KCND2: variants seen among roughly 807,000 people sequenced by gnomAD.
KCND2 encodes the protein A-type voltage-gated potassium channel KCND2.
KCND2 carries 16 observed loss-of-function variants against 54.4 expected under a neutral mutation model. The observed-to-expected ratio is 0.29, with a 90% CI of 0.20 to 0.45. The LOEUF is 0.45. KCND2 is among the 20% of genes least tolerant of loss of function. The pLI is 1.00. For synonymous variants in KCND2, 317 were observed against 310.7 expected (o/e 1.02, Z -0.21); for missense variants, 486 against 824.2 (o/e 0.59, Z 5.02).
At chr7:120,478,022 T>C (rs1802554596) in intron 1 of KCND2, among the ~76,000 whole-genome samples, 2 of 152,176 alleles carry the variant, frequency 1.3e-5, no homozygotes, top group Non-Finnish European at 2.9e-5. Context: ...ATGCTAACAA[T>C]GTAATAAAGA....
intron 1 of KCND2, among the ~76,000 whole-genome samples, chr7:120,630,702 T>C (rs77085402): frequency 0.034 from 5,237 of 152,276 alleles, 210 homozygotes; most frequent in African/African-American, 0.1. Context: ...GACAGAATTG[T>C]GATATCTCGC....
chr7:120,483,832 T>G (rs1024739777), intron 1 of KCND2, among the ~76,000 whole-genome samples: 1 of 152,154 alleles, frequency 6.6e-6, no homozygotes, highest in Non-Finnish European at 1.5e-5. Flanking sequence ...GAATTAGACA[T>G]GTCGAGTGTA....
intron 1 of KCND2, among the ~76,000 whole-genome samples, chr7:120,354,175 G>T (rs886617108): frequency 6.6e-6 from 1 of 152,024 alleles, no homozygotes. Flanking sequence ...GTCAACTATG[G>T]TTATTCAGAT....
At chr7:120,345,517 C>T (rs1380771767) in intron 1 of KCND2, among the ~76,000 whole-genome samples, 1 of 152,144 alleles carries the variant, frequency 6.6e-6, no homozygotes, top group African/African-American at 2.4e-5. Flanking sequence ...AACCGAAACT[C>T]TGTACCTATT....
At chr7:120,632,341 C>A (rs781536349) in intron 1 of KCND2, among the ~76,000 whole-genome samples, 3 of 152,082 alleles carry the variant, frequency 2.0e-5, no homozygotes. Flanking sequence ...CTTGTAAACA[C>A]CTTGCATCTG....
chr7:120,627,326 A>G (rs1793176142), intron 1 of KCND2, among the ~76,000 whole-genome samples: 1 of 152,194 alleles, frequency 6.6e-6, no homozygotes, highest in African/African-American at 2.4e-5. Flanking sequence ...GAGAATAAAC[A>G]TATGAGAAAT....
chr7:120,613,431 T>C (rs1792981653), intron 1 of KCND2, among the ~76,000 whole-genome samples: 1 of 152,076 alleles, frequency 6.6e-6, no homozygotes, highest in Non-Finnish European at 1.5e-5. Context: ...CTTGGGAGGC[T>C]GAGGTAGGAG....
chr7:120,290,520 C>A (rs1368564239), intron 1 of KCND2, among the ~76,000 whole-genome samples: 1 of 151,844 alleles, frequency 6.6e-6, no homozygotes, highest in African/African-American at 2.4e-5. Context: ...ACATATCTGT[C>A]CCAGACCATT....
At chr7:120,450,899 G>A (rs1296517061) in intron 1 of KCND2, among the ~76,000 whole-genome samples, 1 of 152,130 alleles carries the variant, frequency 6.6e-6, no homozygotes, top group South Asian at 2.1e-4. Context: ...ATTACTTATT[G>A]ATGATATTAA....
intron 1 of KCND2, among the ~76,000 whole-genome samples, chr7:120,693,388 C>T (rs987679902): frequency 1.3e-5 from 2 of 152,074 alleles, no homozygotes; most frequent in Non-Finnish European, 2.9e-5. Context: ...AGGTGGTGAG[C>T]TGATGAGGAC....
At chr7:120,309,709 T>C (rs1261272614) in intron 1 of KCND2, among the ~76,000 whole-genome samples, 2 of 151,930 alleles carry the variant, frequency 1.3e-5, no homozygotes, top group Admixed American at 6.6e-5. Context: ...TCAGATATCT[T>C]ATGTTATGGA....
intron 1 of KCND2, among the ~76,000 whole-genome samples, chr7:120,426,813 G>A (rs1021987376): frequency 2.6e-5 from 4 of 151,922 alleles, no homozygotes; most frequent in South Asian, 4.1e-4. Flanking sequence ...AGTAGAGACG[G>A]GGTTCACTGT....
chr7:120,308,878 C>T (rs577196852), intron 1 of KCND2, among the ~76,000 whole-genome samples: 9 of 152,258 alleles, frequency 5.9e-5, no homozygotes, highest in African/African-American at 1.9e-4. Context: ...CACATCTCTA[C>T]CCCCTTTCTG....
At chr7:120,564,604 T>C (rs1792274819) in intron 1 of KCND2, among the ~76,000 whole-genome samples, 5 of 152,132 alleles carry the variant, frequency 3.3e-5, no homozygotes, top group Admixed American at 3.3e-4. Flanking sequence ...GTTGTATTCA[T>C]TTTACCAAAA....
At chr7:120,434,714 C>T (rs1340238364) in intron 1 of KCND2, among the ~76,000 whole-genome samples, 2 of 152,130 alleles carry the variant, frequency 1.3e-5, no homozygotes, top group African/African-American at 4.8e-5. Context: ...ACAGTGGCCT[C>T]TTGTGGGGAC....
intron 1 of KCND2, among the ~76,000 whole-genome samples, chr7:120,420,288 T>G (rs1194261418): frequency 2.0e-5 from 3 of 152,140 alleles, no homozygotes; most frequent in Non-Finnish European, 4.4e-5. Context: ...ACTCAGAGAT[T>G]AAAAATTACA....
At chr7:120,380,090 G>T (rs1368267054) in intron 1 of KCND2, among the ~76,000 whole-genome samples, 1 of 151,852 alleles carries the variant, frequency 6.6e-6, no homozygotes, top group Non-Finnish European at 1.5e-5. Flanking sequence ...AATTTATAAG[G>T]AAATAAAGTT....
Position 120,729,957 on chromosome 7 carries a change from C to T in KCND2, c.1116-2946C>T, listed in dbSNP as rs1025536786. ...TAAACTGGTGTATCTCCTTACTTTTCGTAATTTTCTCTAATAATTGCAAGT... is the reference window on the plus strand; with the variant it reads ...TAAACTGGTGTATCTCCTTACTTTTTGTAATTTTCTCTAATAATTGCAAGT... On this transcript the variant is annotated intron_variant, in intron 1 of 5. Transcript: ENST00000331113. Among the ~76,000 whole-genome samples the T allele has an allele frequency of 1.3e-3, 200 of 152,182 alleles. 2 individuals are homozygous for T. Among genetic ancestry groups the T allele is most frequent in the Non-Finnish European group, 2.8e-4 (19 of 68,010 alleles).
intron 1 of KCND2, among the ~76,000 whole-genome samples, chr7:120,552,955 C>T (rs1028002479): frequency 6.6e-5 from 10 of 152,108 alleles, no homozygotes; most frequent in East Asian, 5.8e-4. Context: ...ATGCACAATG[C>T]GATGTTTTGC....
Sources: gnomAD v4.1 joint callset for allele counts (sites outside exome capture counted in the v4.1 genomes callset) on GRCh38, gnomAD v4.1.1 for gene constraint, MANE v1.5 for transcripts, NCBI Gene and HGNC (gene_info 2026-07-23, HGNC 2026-07-21) for gene names.